Variants in SH3GL3 observed in about 807,000 individuals in gnomAD.
SH3GL3 encodes SH3 domain containing GRB2 like 3, endophilin A3.
A neutral mutation model predicts 47.7 loss-of-function variants in SH3GL3; 33 were observed. The observed-to-expected ratio is 0.69, with a 90% CI of 0.52 to 0.92. The LOEUF (loss-of-function observed/expected upper bound fraction) is 0.92. Among genes scored for constraint, SH3GL3 ranks in the 40% least tolerant of loss-of-function variants. The pLI, the probability that SH3GL3 is intolerant of heterozygous loss-of-function variation, is 0.00. For synonymous variants in SH3GL3, 155 were observed against 148.8 expected (o/e 1.04, Z -0.30); for missense variants, 363 against 417.8 (o/e 0.87, Z 1.14).
intron 2 of SH3GL3, among the ~76,000 whole-genome samples, chr15:83,563,505 A>G (rs886813482): frequency 1.3e-5 from 2 of 152,196 alleles, no homozygotes; most frequent in African/African-American, 4.8e-5. Context: ...CCACACCCAT[A>G]TAATACCTGA....
chr15:83,552,209 G>T (rs1006409131), intron 1 of SH3GL3, among the ~76,000 whole-genome samples: 4 of 152,196 alleles, frequency 2.6e-5, no homozygotes, highest in African/African-American at 9.7e-5. Flanking sequence ...TGAGATATTA[G>T]ATGTTTCAGA....
chr15:83,514,794 T>C (rs1319786732), intron 1 of SH3GL3, among the ~76,000 whole-genome samples: 2 of 152,136 alleles, frequency 1.3e-5, no homozygotes, highest in Non-Finnish European at 2.9e-5. Context: ...AGTGGGTTCC[T>C]CTTATTCGCA....
intron 1 of SH3GL3, among the ~76,000 whole-genome samples, chr15:83,450,538 T>C (rs1340084585): frequency 6.6e-6 from 1 of 152,088 alleles, no homozygotes; most frequent in Non-Finnish European, 1.5e-5. Context: ...ACCCCTACTT[T>C]ACAGAGAATG....
intron 8 of SH3GL3, among the ~76,000 whole-genome samples, chr15:83,617,117 A>G (rs1007395191): frequency 6.6e-6 from 1 of 152,208 alleles, no homozygotes; most frequent in Non-Finnish European, 1.5e-5. Flanking sequence ...TCCACTTTGC[A>G]TACATGTATT....
In SH3GL3 at chr15:83,565,547, A is replaced by T. The variant is rs187862216; in HGVS notation, c.187+341A>T. ...CTTATTTCCTCTTTATAATTTTTTT[A>T]AAAATTCTGCCCTTGTGTACTATAT... is the stretch of plus-strand genomic sequence containing the variant. On this transcript the variant is annotated intron_variant, in intron 3 of 8. Transcript: ENST00000427482. The T allele has an allele frequency of 3.2e-3, 674 of 213,300 alleles. 7 individuals carry two copies. The highest frequency in any genetic ancestry group is 0.015 in the African/African-American group (641 of 42,656). The allele number at this position is 213,300 out of a possible 1,614,324, so 13.2% of individuals were successfully genotyped here. A position where few individuals can be genotyped will look rare whatever the true frequency, so the allele number is the denominator to read the frequency against.
intron 1 of SH3GL3, among the ~76,000 whole-genome samples, chr15:83,550,207 GA>G (rs2044593165): frequency 6.6e-6 from 1 of 152,106 alleles, no homozygotes; most frequent in Admixed American, 6.5e-5. Flanking sequence ...TGGTTGAAAG[GA>G]GAAAAAGGAA....
chr15:83,479,662 C>A (rs1305776843), intron 1 of SH3GL3, among the ~76,000 whole-genome samples: 1 of 152,154 alleles, frequency 6.6e-6, no homozygotes, highest in Non-Finnish European at 1.5e-5. Context: ...GCTAATGTTC[C>A]TTTGGTTGGG....
intron 8 of SH3GL3, among the ~76,000 whole-genome samples, chr15:83,591,236 G>A (rs1254195812): frequency 6.6e-6 from 1 of 152,126 alleles, no homozygotes; most frequent in African/African-American, 2.4e-5. Flanking sequence ...TCGAACTCCT[G>A]ACCTCAAATG....
chr15:83,562,484 T>G (rs1295477543), intron 2 of SH3GL3, among the ~76,000 whole-genome samples: 3 of 152,136 alleles, frequency 2.0e-5, no homozygotes, highest in Non-Finnish European at 4.4e-5. Context: ...TAAGTTATAT[T>G]TTAATTAATA....
At chr15:83,457,517 C>G (rs1395391920) in intron 1 of SH3GL3, among the ~76,000 whole-genome samples, 1 of 152,196 alleles carries the variant, frequency 6.6e-6, no homozygotes, top group African/African-American at 2.4e-5. Flanking sequence ...TAATCACTGA[C>G]TATACAGGCT....
At chr15:83,565,069 A>G (rs571266621) in intron 2 of SH3GL3, 65 bp from the exon 3 acceptor site, 50 of 675,426 alleles carry the variant, frequency 7.4e-5, no homozygotes, top group African/African-American at 4.5e-4. Context: ...TTCCTCCTCT[A>G]TTTGCTCTTT....
intron 1 of SH3GL3, among the ~76,000 whole-genome samples, chr15:83,557,683 A>G (rs2045031616): frequency 1.3e-5 from 2 of 152,140 alleles, no homozygotes; most frequent in Non-Finnish European, 2.9e-5. Context: ...CTCTCCATTC[A>G]GTTAATTTGC....
rs182787038 is a variant in SH3GL3 at position 83,516,141 on chromosome 15, G to C, written c.46-43112G>C. Among the ~76,000 whole-genome samples, 3 of 152,096 alleles carry C rather than the reference G, an allele frequency of 2.0e-5. No homozygotes were observed. In the East Asian group the frequency reaches 5.8e-4, roughly 29 times the overall value. On this transcript the variant is annotated intron_variant, in intron 1 of 8. Coordinates refer to ENST00000427482, the MANE Select transcript of SH3GL3 (RefSeq NM_003027.5). ...TACATGGGGGGCTTCTGGATTACTGGCAAGGCTCAATTTCATGATGAGCAT... is the reference window on the plus strand; with the variant it reads ...TACATGGGGGGCTTCTGGATTACTGCCAAGGCTCAATTTCATGATGAGCAT...
chr15:83,467,921 G>A (rs1001114148), intron 1 of SH3GL3, among the ~76,000 whole-genome samples: 22 of 152,226 alleles, frequency 1.4e-4, no homozygotes, highest in Middle Eastern at 6.8e-3. Context: ...TCTGCCTCCC[G>A]GGTTGACGCC....
the SH3GL3 span, among the ~76,000 whole-genome samples, chr15:83,627,259 T>C: frequency 6.6e-6 from 1 of 151,990 alleles, no homozygotes; most frequent in Non-Finnish European, 1.5e-5. Flanking sequence ...TAGCTGGGCA[T>C]GGTGGCGGGC....
In SH3GL3 at chr15:83,618,137, A is replaced by G; in HGVS notation, c.894A>G (p.Pro298=). 2 of 1,614,002 alleles carry G rather than the reference A, an allele frequency of 1.2e-6. No homozygotes were observed. The highest frequency in any genetic ancestry group is 1.7e-6 in the Non-Finnish European group (2 of 1,179,824). The change falls in exon 9 of 9, where the codon CCA becomes CCG. Residue 298 remains proline, a synonymous_variant. Transcript: ENST00000427482. ...GTCGTGGTCTCTATGACTTTGAGCC[A>G]GAAAACCAAGGAGAATTAGGATTTA... ...PCCRGLYDFE[P]ENQGELGFKE...
intron 1 of SH3GL3, among the ~76,000 whole-genome samples, chr15:83,512,694 G>A (rs2042815791): frequency 6.6e-6 from 1 of 151,868 alleles, no homozygotes; most frequent in African/African-American, 2.4e-5. Context: ...CCCCGTCCCT[G>A]CCTCCCTGGC....
intron 1 of SH3GL3, among the ~76,000 whole-genome samples, chr15:83,519,773 A>G (rs2043131206): frequency 6.6e-6 from 1 of 152,144 alleles, no homozygotes; most frequent in African/African-American, 2.4e-5. Flanking sequence ...TTTTCCGTAT[A>G]TGGTAAGTAT....
chr15:83,560,452 A>G (rs757005292), intron 2 of SH3GL3, among the ~76,000 whole-genome samples: 1 of 152,152 alleles, frequency 6.6e-6, no homozygotes, highest in Non-Finnish European at 1.5e-5. Flanking sequence ...CACACCATTG[A>G]CATACCTTAA....
Sources: allele counts gnomAD v4.1 joint callset (sites outside exome capture counted in the v4.1 genomes callset), GRCh38; gene constraint gnomAD v4.1.1; transcripts MANE v1.5; gene names NCBI Gene and HGNC (gene_info 2026-07-23, HGNC 2026-07-21).